ATXN1: variants seen among roughly 807,000 people sequenced by gnomAD.
ATXN1 encodes ataxin-1.
Under a neutral mutation model 56.4 loss-of-function variants are expected in ATXN1, and 8 were observed. The observed-to-expected ratio is 0.14, with a 90% confidence interval of 0.08 to 0.26. The LOEUF is 0.26. Among genes scored for constraint, ATXN1 ranks in the 10% least tolerant of loss-of-function variants. The probability of loss-of-function intolerance (pLI) is 1.00; values close to 1 mark genes in which losing one functional copy is unlikely to be tolerated. For missense variants in ATXN1, 987 were observed against 1,106.5 expected (o/e 0.89, Z 1.53); for synonymous variants, 514 against 494.6 (o/e 1.04, Z -0.52).
Position 16,327,339 on chromosome 6 carries a change from C to T in ATXN1, c.972G>A (p.Leu324=). 6.2e-7 allele frequency: 1 copy of T among 1,613,430 alleles called. No individual in the cohort carries two copies. The highest frequency in any genetic ancestry group is 1.3e-5 in the African/African-American group (1 of 75,048). The change falls in exon 7 of 8, where the codon CTG becomes CTA. Residue 324 remains leucine, a synonymous_variant. Coordinates refer to ENST00000436367, the MANE Select transcript of ATXN1 (RefSeq NM_001128164.2). ...GCCGGCTCTTCTCCATCTCACCGTT[C>T]AGGACCTCCTTGGCCTGGATGGCCT... ...LQQAIQAKEV[L]NGEMEKSRRY... is the part of the protein sequence containing the mutation.
At chr6:16,376,848 A>C (rs1762150304) in intron 6 of ATXN1, among the ~76,000 whole-genome samples, 1 of 152,252 alleles carries the variant, frequency 6.6e-6, no homozygotes, top group Non-Finnish European at 1.5e-5. Flanking sequence ...TGTTCAATTT[A>C]AAAGCCTTGT....
At chr6:16,548,794 A>G (rs1761862202) in intron 4 of ATXN1, among the ~76,000 whole-genome samples, 1 of 152,040 alleles carries the variant, frequency 6.6e-6, no homozygotes, top group Non-Finnish European at 1.5e-5. Flanking sequence ...GTGGTGGTGC[A>G]TGCCTGTAAT....
intron 2 of ATXN1, among the ~76,000 whole-genome samples, chr6:16,710,307 G>A (rs1162171341): frequency 6.6e-6 from 1 of 152,118 alleles, no homozygotes; most frequent in Non-Finnish European, 1.5e-5. Flanking sequence ...TCATTAAAAA[G>A]GCAGAGAAAG....
intron 6 of ATXN1, among the ~76,000 whole-genome samples, chr6:16,420,693 A>G (rs1055635635): frequency 4.6e-5 from 7 of 152,328 alleles, no homozygotes; most frequent in Admixed American, 2.6e-4. Context: ...AAAGTGAGAA[A>G]ACAGACATTA....
At chr6:16,432,593 TA>T (rs1282828795) in intron 6 of ATXN1, 2 of 152,220 alleles carry the variant, frequency 1.3e-5, no homozygotes, top group Non-Finnish European at 2.9e-5. Flanking sequence ...TTTGTGCTGT[TA>T]AAATATGCTT....
chr6:16,507,543 C>T (rs1408053651), intron 5 of ATXN1, among the ~76,000 whole-genome samples: 2 of 152,130 alleles, frequency 1.3e-5, no homozygotes, highest in Non-Finnish European at 2.9e-5. Context: ...GCCAAATTTA[C>T]AATTATTATG....
At chr6:16,701,038 C>T (rs1211768432) in intron 2 of ATXN1, among the ~76,000 whole-genome samples, 1 of 150,914 alleles carries the variant, frequency 6.6e-6, no homozygotes, top group Non-Finnish European at 1.5e-5. Flanking sequence ...TGAACAGAAG[C>T]GAGGTTTGGG....
intron 6 of ATXN1, among the ~76,000 whole-genome samples, chr6:16,415,689 G>A (rs1758888916): frequency 6.6e-6 from 1 of 152,168 alleles, no homozygotes; most frequent in East Asian, 1.9e-4. Flanking sequence ...GAAAGAGCTG[G>A]GACACCACAG....
chr6:16,431,813 C>T (rs1759289845), intron 6 of ATXN1, among the ~76,000 whole-genome samples: 1 of 152,190 alleles, frequency 6.6e-6, no homozygotes, highest in South Asian at 2.1e-4. Flanking sequence ...ACATCATAAA[C>T]TATCAATACA....
In ATXN1 at chr6:16,518,370, T is replaced by C. The variant is rs562079361; in HGVS notation, c.-299+4257A>G. Among the ~76,000 whole-genome samples the C allele has an allele frequency of 2.9e-4, 44 of 152,340 alleles. 1 individual carries two copies. In the South Asian group the frequency reaches 8.9e-3, roughly 31 times the overall value. On this transcript the variant is annotated intron_variant, in intron 5 of 7. Transcript: ENST00000436367. Reference sequence around the variant, plus strand: ...CCCCTCCTTGGATAGGGTGAATCTATATAATTTTGAGCAGGGTTAGCAGGG... The same window carrying C: ...CCCCTCCTTGGATAGGGTGAATCTACATAATTTTGAGCAGGGTTAGCAGGG...
chr6:16,565,742 G>C (rs980144149), intron 4 of ATXN1, among the ~76,000 whole-genome samples: 1 of 152,040 alleles, frequency 6.6e-6, no homozygotes, highest in African/African-American at 2.4e-5. Context: ...AATATCTAGG[G>C]TTAATAAAGT....
chr6:16,403,091 T>C (rs1388683150), intron 6 of ATXN1, among the ~76,000 whole-genome samples: 1 of 152,226 alleles, frequency 6.6e-6, no homozygotes, highest in Admixed American at 6.5e-5. Context: ...CGTGTATGTA[T>C]GTATGGATAT....
intron 5 of ATXN1, among the ~76,000 whole-genome samples, chr6:16,495,240 C>T (rs375488850): frequency 4.6e-5 from 7 of 152,132 alleles, no homozygotes; most frequent in African/African-American, 1.7e-4. Context: ...TAGTAAAAAT[C>T]CTAAAAAAGA....
chr6:16,475,393 G>A (rs886731464), intron 6 of ATXN1, among the ~76,000 whole-genome samples: 3 of 152,164 alleles, frequency 2.0e-5, no homozygotes, highest in East Asian at 1.9e-4. Context: ...CTTCAGCAAC[G>A]CATCATGATA....
chr6:16,593,105 C>T (rs12195401), intron 3 of ATXN1, among the ~76,000 whole-genome samples: 78,465 of 151,872 alleles, frequency 0.52, 23,696 homozygotes, highest in Non-Finnish European at 0.67. Context: ...ATTTTACAAA[C>T]CTCTTGCTAG....
At position 16,306,149 on chromosome 6, in the gene ATXN1, G is replaced by GACA; in HGVS notation, c.*179_*180insTGT. The GACA allele has an allele frequency of 1.3e-6, 1 of 747,620 alleles. No homozygotes were observed. 46.3% of individuals were successfully genotyped at this position (747,620 alleles called of 1,614,324 possible). ...CGCCCGCTCACTGACAGACACTCGT[G>GACA]GAAAAAGCATATGCACCAGTCTCCT... On this transcript the variant is annotated 3_prime_UTR_variant, in exon 8 of 8. Coordinates refer to ENST00000436367, the MANE Select transcript of ATXN1 (RefSeq NM_001128164.2). The surrounding 1 kb of genome is among the most constrained non-coding windows in gnomAD (Gnocchi z 5.2).
At chr6:16,599,393 T>G (rs185207328) in intron 3 of ATXN1, among the ~76,000 whole-genome samples, 8 of 152,032 alleles carry the variant, frequency 5.3e-5, no homozygotes, top group Non-Finnish European at 1.0e-4. Flanking sequence ...AAAGATTTCC[T>G]TCTATCATTG....
At chr6:16,652,207 T>G (rs546768046) in intron 3 of ATXN1, 23 of 152,346 alleles carry the variant, frequency 1.5e-4, no homozygotes, top group African/African-American at 5.1e-4. Context: ...CTTAAGTACC[T>G]GAAGGGAACT....
chr6:16,742,003 T>C (rs544274653), intron 2 of ATXN1, among the ~76,000 whole-genome samples: 2 of 152,200 alleles, frequency 1.3e-5, no homozygotes, highest in African/African-American at 4.8e-5. Flanking sequence ...AAAGCCAAAA[T>C]AAAACACCGA....
Sources: gnomAD v4.1 joint callset for allele counts (sites outside exome capture counted in the v4.1 genomes callset) on GRCh38, gnomAD v4.1.1 for gene constraint, Gnocchi (gnomAD v3.1) non-coding constraint, MANE v1.5 for transcripts, NCBI Gene and HGNC (gene_info 2026-07-23, HGNC 2026-07-21) for gene names.